CGNL1: variants seen among roughly 807,000 people sequenced by gnomAD.
CGNL1 encodes cingulin-like protein 1.
A neutral mutation model predicts 141.2 loss-of-function variants in CGNL1; 132 were observed. The ratio of observed to expected loss-of-function variants is 0.93; its 90% CI spans 0.81 to 1.08. The LOEUF is 1.08. CGNL1 is among the 50% of genes least tolerant of loss of function. The pLI is 0.00. For synonymous variants in CGNL1, 690 were observed against 622.1 expected (o/e 1.11, Z -1.63); for missense variants, 1,870 against 1,588.6 (o/e 1.18, Z -3.01).
chr15:57,426,237 C>A (rs1232756804), intron 1 of CGNL1, among the ~76,000 whole-genome samples: 19 of 152,134 alleles, frequency 1.2e-4, no homozygotes, highest in African/African-American at 4.6e-4. Flanking sequence ...CTCTGCCTCC[C>A]AGGTTCAAGG....
At chr15:57,523,404 G>A in intron 10 of CGNL1, 85 bp from the exon 11 acceptor site, 2 of 1,197,022 alleles carry the variant, frequency 1.7e-6, no homozygotes, top group East Asian at 2.3e-5. Context: ...GCTTTGCAGT[G>A]TGACTATGAA....
rs975984926 is a variant in CGNL1 at position 57,524,471 on chromosome 15, G to A, written c.2869-110G>A. 6 of 1,017,312 alleles carry A rather than the reference G, an allele frequency of 5.9e-6. No homozygotes were observed. The East Asian group carries it at 1.2e-4, about 21-fold the overall frequency. The allele number at this position is 1,017,312 out of a possible 1,614,324, so 63.0% of individuals were successfully genotyped here. A position where few individuals can be genotyped will look rare whatever the true frequency, so the allele number is the denominator to read the frequency against. On this transcript the variant is annotated intron_variant, in intron 11 of 18. Coordinates refer to ENST00000281282, the MANE Select transcript of CGNL1 (RefSeq NM_032866.5). ...ATCAGGTGCTGGGCCATCTTTGAGG[G>A]GGCCATAGAAGAAAGGGAGAAGAGG...
At chr15:57,497,987 T>G (rs530316472) in intron 8 of CGNL1, among the ~76,000 whole-genome samples, 1 of 152,164 alleles carries the variant, frequency 6.6e-6, no homozygotes, top group Admixed American at 6.5e-5. Flanking sequence ...GAAAACAGAA[T>G]TGAGCAGAAA....
chr15:57,518,365 T>G, intron 9 of CGNL1, 28 bp from the exon 10 acceptor site: 3 of 1,510,874 alleles, frequency 2.0e-6, no homozygotes, highest in Non-Finnish European at 2.8e-6. Context: ...CACATCTAAG[T>G]GCACACTGAC....
chr15:57,454,635 T>G (rs2063357659), intron 7 of CGNL1, among the ~76,000 whole-genome samples: 1 of 152,308 alleles, frequency 6.6e-6, no homozygotes, highest in South Asian at 2.1e-4. Flanking sequence ...TTTTTCACAT[T>G]GGCAGAGGAG....
At chr15:57,518,355 C>T (rs2030992903) in intron 9 of CGNL1, 38 bp from the exon 10 acceptor site, 1 of 1,448,434 alleles carries the variant, frequency 6.9e-7, no homozygotes, top group Admixed American at 1.7e-5. Context: ...AGGTACAGCA[C>T]ACATCTAAGT....
chr15:57,481,753 T>G (rs2063729081), intron 8 of CGNL1, among the ~76,000 whole-genome samples: 1 of 152,186 alleles, frequency 6.6e-6, no homozygotes, highest in Non-Finnish European at 1.5e-5. Flanking sequence ...TGAATGTGAT[T>G]TAATTTTTTT....
At chr15:57,440,883 C>A (rs1645331096) in intron 3 of CGNL1, among the ~76,000 whole-genome samples, 1 of 151,964 alleles carries the variant, frequency 6.6e-6, no homozygotes, top group Non-Finnish European at 1.5e-5. Flanking sequence ...TGGCCAAGAG[C>A]CCCTGCTTCC....
At chr15:57,449,572 A>G (rs1435110580) in intron 4 of CGNL1, among the ~76,000 whole-genome samples, 1 of 152,088 alleles carries the variant, frequency 6.6e-6, no homozygotes, top group Non-Finnish European at 1.5e-5. Flanking sequence ...TTATCACTCA[A>G]AGACGTCCAT....
intron 1 of CGNL1, among the ~76,000 whole-genome samples, chr15:57,424,217 CTTG>C (rs1192731660): frequency 4.6e-5 from 7 of 152,204 alleles, no homozygotes; most frequent in East Asian, 3.9e-4. Flanking sequence ...GAGCTCTAAA[CTTG>C]TTGTTCTCTC....
At chr15:57,395,351 C>T (rs1426794048) in intron 1 of CGNL1, among the ~76,000 whole-genome samples, 1 of 152,206 alleles carries the variant, frequency 6.6e-6, no homozygotes, top group Non-Finnish European at 1.5e-5. Flanking sequence ...CTGCAAAAAG[C>T]AGCTAATGCT....
chr15:57,495,390 G>T (rs1001068525), intron 8 of CGNL1, among the ~76,000 whole-genome samples: 1 of 152,184 alleles, frequency 6.6e-6, no homozygotes, highest in African/African-American at 2.4e-5. Context: ...GCATTGAGCT[G>T]TCTTGTGGGA....
At chr15:57,476,218 G>A (rs2063655636) in intron 8 of CGNL1, among the ~76,000 whole-genome samples, 2 of 152,134 alleles carry the variant, frequency 1.3e-5, no homozygotes, top group Non-Finnish European at 2.9e-5. Context: ...AGGCAGGCCA[G>A]GGCGGGTTCC....
rs2032945385 is a variant in CGNL1, at chr15:57,547,759, A to G, written c.*269A>G. On this transcript the variant is annotated 3_prime_UTR_variant, in exon 19 of 19. Coordinates refer to ENST00000281282, the MANE Select transcript of CGNL1 (RefSeq NM_032866.5). ...GTGAGAGATACACTTTGGTAGGCTG[A>G]GGCCCCTGTTCCACAGCCACTATTT... 2.4e-6 allele frequency: 1 copy of G among 413,514 alleles called. No homozygotes were observed. Among genetic ancestry groups the G allele is most frequent in the Admixed American group, 4.3e-5 (1 of 23,334 alleles). 25.6% of individuals were successfully genotyped at this position (413,514 alleles called of 1,614,324 possible).
chr15:57,428,543 T>C (rs1465282737), intron 1 of CGNL1, among the ~76,000 whole-genome samples: 1 of 152,126 alleles, frequency 6.6e-6, no homozygotes, highest in African/African-American at 2.4e-5. Context: ...ACAAAACTAA[T>C]CTACCAGAGA....
intron 12 of CGNL1, among the ~76,000 whole-genome samples, chr15:57,525,819 G>C (rs1489916745): frequency 6.6e-6 from 1 of 151,946 alleles, no homozygotes; most frequent in Non-Finnish European, 1.5e-5. Flanking sequence ...TTTGGCTCAG[G>C]GTTATGTGAT....
Position 57,438,601 on chromosome 15 carries a change from C to A in CGNL1, c.602C>A (p.Thr201Asn), listed in dbSNP as rs1205791615. Reference sequence around the variant, plus strand: ...CCCAAACCTAGCAATTCCCAGCCTACCAGTCCCTCCTTGGAAGACCCGGCC... The same window carrying A: ...CCCAAACCTAGCAATTCCCAGCCTAACAGTCCCTCCTTGGAAGACCCGGCC... ...CFPKPSNSQP[T>N]SPSLEDPAKS... The change falls in exon 2 of 19, where the codon ACC becomes AAC. Residue 201 changes from threonine (T) to asparagine (N), a missense_variant. Thr to Asn is a moderately conservative substitution (Grantham distance 65, BLOSUM62 0). Coordinates refer to ENST00000281282, the MANE Select transcript of CGNL1 (RefSeq NM_032866.5). 5 of 1,613,724 alleles carry A rather than the reference C, an allele frequency of 3.1e-6. No homozygotes were observed. Among genetic ancestry groups the A allele is most frequent in the East Asian group, 2.2e-5 (1 of 44,894 alleles).
At chr15:57,506,202 A>G (rs1302408430) in intron 8 of CGNL1, among the ~76,000 whole-genome samples, 1 of 152,134 alleles carries the variant, frequency 6.6e-6, no homozygotes, top group Non-Finnish European at 1.5e-5. Flanking sequence ...CCCACCCCCC[A>G]ATATTTTCCT....
At chr15:57,442,182 G>GGAAAAAA (rs1491455852) in intron 3 of CGNL1, among the ~76,000 whole-genome samples, 191 bp from the exon 4 acceptor site, 13 of 96,500 alleles carry the variant, frequency 1.3e-4, no homozygotes, top group South Asian at 7.8e-4. Flanking sequence ...TCATTTATTT[G>GGAAAAAA]AAAAAAAAAA....
Sources: allele counts gnomAD v4.1 joint callset (sites outside exome capture counted in the v4.1 genomes callset), GRCh38; gene constraint gnomAD v4.1.1; transcripts MANE v1.5; gene names NCBI Gene and HGNC (gene_info 2026-07-23, HGNC 2026-07-21).